KCNQ5: variants seen among roughly 807,000 people sequenced by gnomAD.
The protein encoded by KCNQ5 is potassium voltage-gated channel subfamily KQT member 5.
KCNQ5 carries 30 observed loss-of-function variants against 98.2 expected under a neutral mutation model. That is an observed-to-expected ratio of 0.31 (90% confidence interval 0.23 to 0.41). KCNQ5 has a LOEUF of 0.41. Ranked by LOEUF, KCNQ5 falls within the 10% of genes least tolerant of loss-of-function variation. KCNQ5 has a pLI of 1.00. For missense variants in KCNQ5, 835 were observed against 1,182.5 expected (o/e 0.71, Z 4.31); for synonymous variants, 458 against 449.4 (o/e 1.02, Z -0.24).
intron 1 of KCNQ5, among the ~76,000 whole-genome samples, chr6:72,999,229 CTTAA>C (rs767655159): frequency 6.8e-4 from 104 of 152,294 alleles, no homozygotes; most frequent in Non-Finnish European, 1.3e-3. Flanking sequence ...CAAATTGATT[CTTAA>C]TTAACCCACA....
In KCNQ5 at chr6:73,063,686, T is replaced by TAGATAGATAGATGATAGATA. The variant is rs55995543; in HGVS notation, c.617-13636_617-13635insAGATAGATAGATGATAGATA. On this transcript the variant is annotated intron_variant, in intron 3 of 13. Coordinates refer to ENST00000370398, the MANE Select transcript of KCNQ5 (RefSeq NM_019842.4). ...GATAGATGATAGATAGATAGATAGA[T>TAGATAGATAGATGATAGATA]GATAGATAGATAGATAGATAGATAG... is the stretch of plus-strand genomic sequence containing the variant. Among the ~76,000 whole-genome samples, 90 of 93,248 alleles carry TAGATAGATAGATGATAGATA rather than the reference T, an allele frequency of 9.7e-4. 2 individuals carry two copies. Among genetic ancestry groups the TAGATAGATAGATGATAGATA allele is most frequent in the Admixed American group, 2.4e-3 (21 of 8,648 alleles). 61.2% of individuals were successfully genotyped at this position (93,248 alleles called of 152,430 possible).
At chr6:72,898,321 G>A (rs576187261) in intron 1 of KCNQ5, among the ~76,000 whole-genome samples, 1 of 151,836 alleles carries the variant, frequency 6.6e-6, no homozygotes, top group African/African-American at 2.4e-5. Context: ...TCCTCCCCTC[G>A]CCACTCCCCA....
At chr6:72,735,367 G>A (rs1197655665) in intron 1 of KCNQ5, among the ~76,000 whole-genome samples, 1 of 152,048 alleles carries the variant, frequency 6.6e-6, no homozygotes, top group African/African-American at 2.4e-5. Context: ...GACATTATTT[G>A]CATTTTAGAT....
intron 1 of KCNQ5, among the ~76,000 whole-genome samples, chr6:72,818,387 G>A (rs1775596686): frequency 6.6e-6 from 1 of 152,066 alleles, no homozygotes; most frequent in Non-Finnish European, 1.5e-5. Flanking sequence ...TTTTAAAAAC[G>A]ATTTTTCACA....
intron 1 of KCNQ5, among the ~76,000 whole-genome samples, chr6:72,919,052 C>A (rs1029888745): frequency 3.9e-5 from 6 of 152,160 alleles, no homozygotes; most frequent in Non-Finnish European, 8.8e-5. Context: ...TTTCAGTTAG[C>A]ACATGACTTT....
chr6:72,823,060 C>G (rs529975371), intron 1 of KCNQ5, among the ~76,000 whole-genome samples: 3 of 152,256 alleles, frequency 2.0e-5, no homozygotes, highest in African/African-American at 7.2e-5. Context: ...AATCACTTCT[C>G]CAAAGTCCCT....
chr6:73,053,821 GC>G (rs1772345019), intron 3 of KCNQ5, among the ~76,000 whole-genome samples: 1 of 152,010 alleles, frequency 6.6e-6, no homozygotes, highest in Non-Finnish European at 1.5e-5. Context: ...CGACCCCAAA[GC>G]TAGTAGAACA....
chr6:73,153,760 AC>A (rs1777243059), intron 10 of KCNQ5, among the ~76,000 whole-genome samples: 1 of 152,150 alleles, frequency 6.6e-6, no homozygotes, highest in Non-Finnish European at 1.5e-5. Context: ...TGTTTTGAGT[AC>A]TAAGATTATT....
At position 73,120,470 on chromosome 6, in the gene KCNQ5, A is replaced by T; in HGVS notation, c.1126-13A>T. 6.3e-7 allele frequency: 1 copy of T among 1,593,224 alleles called. No homozygotes were observed. The highest frequency in any genetic ancestry group is 8.6e-7 in the Non-Finnish European group (1 of 1,163,992). ...TTTTTTCTTTTTCATGTCCCCATCT[A>T]TGCCACATGCAGTGTGTTTGGCGTA... On this transcript the variant is annotated splice_polypyrimidine_tract_variant and intron_variant, in intron 7 of 13. Coordinates refer to ENST00000370398, the MANE Select transcript of KCNQ5 (RefSeq NM_019842.4).
chr6:72,858,666 GT>G (rs1368176359), intron 1 of KCNQ5, among the ~76,000 whole-genome samples: 2 of 150,638 alleles, frequency 1.3e-5, no homozygotes, highest in East Asian at 3.9e-4. Context: ...TTTATATCCC[GT>G]TTATTTGTCT....
chr6:72,779,902 A>G (rs1773373134), intron 1 of KCNQ5, among the ~76,000 whole-genome samples: 1 of 145,830 alleles, frequency 6.9e-6, no homozygotes, highest in Non-Finnish European at 1.5e-5. Context: ...GTCTCCCTCT[A>G]TTGCCCAGGC....
chr6:72,765,625 A>G (rs1004727199), intron 1 of KCNQ5, among the ~76,000 whole-genome samples: 1 of 152,040 alleles, frequency 6.6e-6, no homozygotes, highest in Non-Finnish European at 1.5e-5. Flanking sequence ...AAACATACCA[A>G]TAAGGCAGAC....
chr6:72,780,465 G>A (rs1243835129), intron 1 of KCNQ5, among the ~76,000 whole-genome samples: 1 of 152,198 alleles, frequency 6.6e-6, no homozygotes, highest in Non-Finnish European at 1.5e-5. Flanking sequence ...GAAGCCTCAG[G>A]GGGCTGGCAT....
At chr6:73,058,061 C>A (rs1019100293) in intron 3 of KCNQ5, among the ~76,000 whole-genome samples, 5 of 152,128 alleles carry the variant, frequency 3.3e-5, no homozygotes, top group African/African-American at 1.2e-4. Flanking sequence ...TGAAATTGGA[C>A]CCCTTGTTTA....
intron 11 of KCNQ5, among the ~76,000 whole-genome samples, chr6:73,179,482 G>A (rs1200576459): frequency 6.6e-6 from 1 of 152,066 alleles, no homozygotes; most frequent in African/African-American, 2.4e-5. Flanking sequence ...CCTCTTAAAA[G>A]TTCCACCCCT....
At chr6:72,629,008 T>C (rs985309236) in intron 1 of KCNQ5, among the ~76,000 whole-genome samples, 2 of 152,124 alleles carry the variant, frequency 1.3e-5, no homozygotes, top group African/African-American at 4.8e-5. Context: ...CAACCCCAAT[T>C]CTTTAAAGGC....
intron 10 of KCNQ5, among the ~76,000 whole-genome samples, chr6:73,140,377 T>A (rs115898518): frequency 0.01 from 1,541 of 152,358 alleles, 35 homozygotes; most frequent in African/African-American, 0.035. Context: ...CTTTCCATAA[T>A]GATGGCCCAA....
intron 1 of KCNQ5, among the ~76,000 whole-genome samples, chr6:72,802,291 C>T (rs1774701987): frequency 6.6e-6 from 1 of 152,122 alleles, no homozygotes; most frequent in South Asian, 2.1e-4. Context: ...GGTCTTTTCA[C>T]ATAGTCCCAT....
chr6:72,636,839 G>A (rs1457327443), intron 1 of KCNQ5, among the ~76,000 whole-genome samples: 1 of 152,158 alleles, frequency 6.6e-6, no homozygotes, highest in Non-Finnish European at 1.5e-5. Context: ...TAGGATAAAA[G>A]CAAAGTTTGG....
Sources: gnomAD v4.1 joint callset for allele counts (sites outside exome capture counted in the v4.1 genomes callset) on GRCh38, gnomAD v4.1.1 for gene constraint, MANE v1.5 for transcripts, NCBI Gene and HGNC (gene_info 2026-07-23, HGNC 2026-07-21) for gene names.